Variants in C8orf88 observed in about 807,000 individuals in gnomAD.
C8orf88 encodes the protein chromosome 8 open reading frame 88.
In C8orf88, 14 loss-of-function variants were observed where a neutral mutation model predicts 18.4. That is an observed-to-expected ratio of 0.76 (90% CI 0.50 to 1.19). The LOEUF (loss-of-function observed/expected upper bound fraction) is 1.19, where lower values mean the gene tolerates loss of function less well. C8orf88 is among the 50% of genes most tolerant of loss of function. C8orf88 has a pLI of 0.00. For missense variants in C8orf88, 116 were observed against 134.7 expected, an observed-to-expected ratio of 0.86 and a Z score of 0.69; for synonymous variants, 45 against 42.9, an observed-to-expected ratio of 1.05 and a Z score of -0.19.
intron 1 of C8orf88, among the ~76,000 whole-genome samples, chr8:90,983,585 G>A (rs1811463509): frequency 6.6e-6 from 1 of 151,904 alleles, no homozygotes; most frequent in Non-Finnish European, 1.5e-5. Context: ...TGACCACTTT[G>A]GCCAAAATCT....
intron 3 of C8orf88, among the ~76,000 whole-genome samples, chr8:90,972,989 C>T (rs529606305): frequency 1.3e-3 from 193 of 152,224 alleles, no homozygotes; most frequent in Non-Finnish European, 2.2e-3. Flanking sequence ...ATTCATTTAA[C>T]AAACACAGAA....
At chr8:90,981,759 T>C (rs1433720660) in intron 1 of C8orf88, among the ~76,000 whole-genome samples, 1 of 152,166 alleles carries the variant, frequency 6.6e-6, no homozygotes, top group African/African-American at 2.4e-5. Flanking sequence ...AAACGCTAAG[T>C]ACCTCGTCAT....
Sources: gnomAD v4.1 joint callset for allele counts (sites outside exome capture counted in the v4.1 genomes callset) on GRCh38, gnomAD v4.1.1 for gene constraint, MANE v1.5 for transcripts, NCBI Gene and HGNC (gene_info 2026-07-23, HGNC 2026-07-21) for gene names.